CNTRL: variants seen among roughly 807,000 people sequenced by gnomAD.
The protein encoded by CNTRL is 110 kDa centrosomal protein.
In CNTRL, 233 loss-of-function variants were observed where a neutral mutation model predicts 303.7. That is an observed-to-expected ratio of 0.77 (90% CI 0.69 to 0.86). CNTRL has a LOEUF of 0.86. CNTRL is among the 40% of genes least tolerant of loss of function. The probability of loss-of-function intolerance (pLI) is 0.00; values close to 1 mark genes in which losing one functional copy is unlikely to be tolerated. For synonymous variants in CNTRL, 900 were observed against 922.2 expected (o/e 0.98, Z 0.44); for missense variants, 2,524 against 2,650.6 (o/e 0.95, Z 1.05).
intron 2 of CNTRL, among the ~76,000 whole-genome samples, chr9:121,082,745 G>A (rs1190233632): frequency 6.6e-6 from 1 of 152,138 alleles, no homozygotes; most frequent in Non-Finnish European, 1.5e-5. Flanking sequence ...GCCAAGGCAC[G>A]TGGATCACAA....
intron 24 of CNTRL, 65 bp downstream of exon 24, chr9:121,148,926 C>T: frequency 7.0e-7 from 1 of 1,438,760 alleles, no homozygotes; most frequent in African/African-American, 1.4e-5. Flanking sequence ...TACTGATTCT[C>T]TGAAACCCCT....
chr9:121,167,306 CA>C (rs34581990), intron 36 of CNTRL, among the ~76,000 whole-genome samples, 182 bp from the exon 37 acceptor site: 17 of 148,976 alleles, frequency 1.1e-4, no homozygotes, highest in Non-Finnish European at 1.2e-4. Flanking sequence ...GCAAGACTGT[CA>C]AAAAAAAAAA....
intron 34 of CNTRL, among the ~76,000 whole-genome samples, chr9:121,163,759 C>A (rs187024892): frequency 1.5e-3 from 231 of 151,930 alleles, no homozygotes; most frequent in Middle Eastern, 0.01. Context: ...TGAAAAGATA[C>A]GCAGGATAAT....
rs774266509 is a variant in CNTRL at position 121,138,535 on chromosome 9, A to G, written c.2203-10A>G. On this transcript the variant is annotated splice_polypyrimidine_tract_variant and intron_variant, in intron 15 of 43. Transcript: ENST00000373855. The stretch of plus-strand genomic sequence containing the variant: ...TTACACTTTCATGTCATTGCTTCCT[A>G]TGGTGACAGTTAGAACAATCAGCCC... The G allele has an allele frequency of 9.3e-6, 15 of 1,610,968 alleles. No homozygotes were observed. Among genetic ancestry groups the G allele is most frequent in the African/African-American group, 2.7e-5 (2 of 74,780 alleles).
At chr9:121,156,755 A>AT (rs1181126858) in intron 27 of CNTRL, among the ~76,000 whole-genome samples, 1 of 79,206 alleles carries the variant, frequency 1.3e-5, no homozygotes, top group African/African-American at 3.6e-5. Context: ...AACCAAGTTG[A>AT]TTAAAACAAA....
chr9:121,097,870 A>C (rs1030996877), intron 6 of CNTRL, among the ~76,000 whole-genome samples: 5 of 152,198 alleles, frequency 3.3e-5, no homozygotes, highest in Non-Finnish European at 7.3e-5. Flanking sequence ...TATTTGTACT[A>C]GCTATTTGGA....
In CNTRL at chr9:121,138,701, A is replaced by G. The variant is rs1386173549; in HGVS notation, c.2337+22A>G. On this transcript the variant is annotated intron_variant, in intron 16 of 43. Transcript: ENST00000373855. Reference sequence around the variant, plus strand: ...GCAGGTAGAGATTTGTTGTTTTAGAATACATTCTTACACAGAACACCCAAA... The same window carrying G: ...GCAGGTAGAGATTTGTTGTTTTAGAGTACATTCTTACACAGAACACCCAAA... The G allele has an allele frequency of 5.0e-6, 8 of 1,612,140 alleles. No homozygotes were observed. In the African/African-American group the frequency reaches 5.3e-5, roughly 11 times the overall value.
rs760181794 is a variant in CNTRL at position 121,138,566 on chromosome 9, G to A, written c.2224G>A (p.Ala742Thr). ...ACAGTTAGAACAATCAGCCCTTCAA[G>A]CAGAACTTGAGAAGGAAAGGCAAGC... ...LTQLEQSALQAELEKERQALK... is the reference protein window; with the variant it reads ...LTQLEQSALQTELEKERQALK... Residue 742 changes from alanine (A) to threonine (T), a missense_variant, in exon 16 of 44, where the codon GCA becomes ACA. By Grantham distance (58) the Ala-to-Thr change is moderately conservative. Transcript: ENST00000373855. 6.2e-7 allele frequency: 1 copy of A among 1,613,844 alleles called. No homozygotes were observed. The highest frequency in any genetic ancestry group is 8.5e-7 in the Non-Finnish European group (1 of 1,179,810).
chr9:121,078,357 G>A (rs866977302), intron 1 of CNTRL, among the ~76,000 whole-genome samples: 3 of 150,756 alleles, frequency 2.0e-5, no homozygotes, highest in Non-Finnish European at 3.0e-5. Flanking sequence ...ATAGTGAGCC[G>A]AGATCACACC....
intron 4 of CNTRL, 66 bp from the exon 5 acceptor site, chr9:121,094,822 G>A (rs1428681677): frequency 1.3e-5 from 15 of 1,199,576 alleles, no homozygotes; most frequent in Admixed American, 4.8e-5. Flanking sequence ...ATGCACATAA[G>A]TAAATGTTGT....
In CNTRL at chr9:121,109,703, T is replaced by G. The variant is rs1299204735; in HGVS notation, c.1002+1708T>G. On this transcript the variant is annotated intron_variant, in intron 8 of 43. Transcript: ENST00000373855. ...ATTTTGATAAGTGTTAATGTACACT[T>G]CAAAAAGCTTCTAACCAATTTATAT... is the stretch of plus-strand genomic sequence containing the variant. Among the ~76,000 whole-genome samples, 4 of 152,152 alleles carry G rather than the reference T, an allele frequency of 2.6e-5. No individual in the cohort carries two copies. The East Asian group carries it at 7.7e-4, about 29-fold the overall frequency.
At chr9:121,085,995 G>A (rs1265776070) in intron 2 of CNTRL, among the ~76,000 whole-genome samples, 2 of 152,184 alleles carry the variant, frequency 1.3e-5, no homozygotes, top group African/African-American at 2.4e-5. Context: ...AAGGAGAACT[G>A]GAAGGAAGGT....
intron 24 of CNTRL, 88 bp downstream of exon 24, chr9:121,148,949 A>G: frequency 2.4e-6 from 3 of 1,225,846 alleles, no homozygotes; most frequent in Non-Finnish European, 3.4e-6. Flanking sequence ...GACACAATCC[A>G]GACTCCTTAG....
In CNTRL at chr9:121,095,995, G is replaced by A. The variant is rs566677510; in HGVS notation, c.480-427G>A. On this transcript the variant is annotated intron_variant, in intron 5 of 43. Transcript: ENST00000373855. The stretch of plus-strand genomic sequence containing the variant: ...TATCATCTATGGGCTCCCATATCCT[G>A]CTGGCATAGCTAATCTTTTTATGAT... Among the ~76,000 whole-genome samples, 36 of 152,234 alleles carry A rather than the reference G, an allele frequency of 2.4e-4. No individual in the cohort carries two copies. The South Asian group carries it at 7.0e-3, about 30-fold the overall frequency.
rs1310106613 is a variant in CNTRL, at chr9:121,171,397, T to C, written c.6277-11T>C. ...TTAGATCGCAGAGTTATTTTCTTCCTCCTGTGCTAGGAGCAAAAACAGGAG... is the reference window on the plus strand; with the variant it reads ...TTAGATCGCAGAGTTATTTTCTTCCCCCTGTGCTAGGAGCAAAAACAGGAG... On this transcript the variant is annotated splice_polypyrimidine_tract_variant and intron_variant, in intron 39 of 43. Transcript: ENST00000373855. 1.9e-6 allele frequency: 3 copies of C among 1,613,684 alleles called. No individual in the cohort carries two copies. Among genetic ancestry groups the C allele is most frequent in the Non-Finnish European group, 2.5e-6 (3 of 1,179,792 alleles).
rs543135439 is a variant in CNTRL, at chr9:121,113,353, AATAAT to A, written c.1123-145_1123-141del. ...TGGTATATTAAGAAGAAGATAAAAG[AATAAT>A]ATATATCTTTCAGCTCCTAGGCATG... On this transcript the variant is annotated intron_variant, in intron 9 of 43. Transcript: ENST00000373855. 437 of 465,382 alleles carry A rather than the reference AATAAT, an allele frequency of 9.4e-4. 2 individuals carry two copies. Among genetic ancestry groups the A allele is most frequent in the African/African-American group, 7.9e-3 (392 of 49,874 alleles). The allele number at this position is 465,382 out of a possible 1,614,324, so 28.8% of individuals were successfully genotyped here. A position where few individuals can be genotyped will look rare whatever the true frequency, so the allele number is the denominator to read the frequency against.
In CNTRL at chr9:121,140,757, A is replaced by C. The variant is rs777243960; in HGVS notation, c.2454A>C (p.Arg818Ser). 1 of 1,612,694 alleles carries C rather than the reference A, an allele frequency of 6.2e-7. No homozygotes were observed. The highest frequency in any genetic ancestry group is 8.5e-7 in the Non-Finnish European group (1 of 1,178,994). ...EVAARVDELR[R>S]KLKLGTGEMN... is the part of the protein sequence containing the mutation. ...CAGCTCGTGTGGATGAGCTAAGAAG[A>C]AAACTGAAATTAGGAACTGGGGAAA... Residue 818 changes from arginine to serine, a missense_variant, in exon 17 of 44, where the codon AGA (arginine) becomes AGC (serine). Physicochemically the swap from Arg to Ser is moderately radical, Grantham distance 110. Transcript: ENST00000373855.
chr9:121,126,866 G>C (rs1010999048), intron 14 of CNTRL, among the ~76,000 whole-genome samples: 1 of 151,562 alleles, frequency 6.6e-6, no homozygotes, highest in African/African-American at 2.4e-5. Context: ...TTGTTGCCCA[G>C]GCTGGAGTGC....
chr9:121,099,990 A>G (rs990324980), intron 7 of CNTRL, among the ~76,000 whole-genome samples: 4 of 152,234 alleles, frequency 2.6e-5, no homozygotes, highest in African/African-American at 9.6e-5. Flanking sequence ...ACTCTTCAGG[A>G]TATTATCCAG....
Sources: allele counts gnomAD v4.1 joint callset (sites outside exome capture counted in the v4.1 genomes callset), GRCh38; gene constraint gnomAD v4.1.1; transcripts MANE v1.5; gene names NCBI Gene and HGNC (gene_info 2026-07-23, HGNC 2026-07-21).